ZNF675: variants seen among roughly 807,000 people sequenced by gnomAD.
The protein encoded by ZNF675 is zinc finger protein 675.
In ZNF675, 36 loss-of-function variants were observed where a neutral mutation model predicts 56.1. The observed-to-expected ratio is 0.64, with a 90% CI of 0.49 to 0.85. The LOEUF (loss-of-function observed/expected upper bound fraction) is 0.85. ZNF675 is among the 40% of genes least tolerant of loss of function. The pLI is 0.00. For missense variants in ZNF675, 663 were observed against 654.2 expected, an observed-to-expected ratio of 1.01 and a Z score of -0.15; for synonymous variants, 200 against 218.9, an observed-to-expected ratio of 0.91 and a Z score of 0.76.
intron 2 of ZNF675, 115 bp from the exon 3 acceptor site, chr19:23,662,324 A>T: frequency 3.0e-6 from 2 of 666,490 alleles, no homozygotes; most frequent in Non-Finnish European, 5.0e-6. Flanking sequence ...TAATCCCAAA[A>T]TACTGACTTA....
At position 23,678,598 on chromosome 19, in the gene ZNF675, A is replaced by G. The variant is rs944082193; in HGVS notation, c.3+8433T>C. Among the ~76,000 whole-genome samples the G allele has an allele frequency of 3.1e-4, 47 of 151,294 alleles. 2 individuals are homozygous for G. The highest frequency in any genetic ancestry group is 1.1e-3 in the African/African-American group (47 of 41,032). On this transcript the variant is annotated intron_variant, in intron 1 of 3. Transcript: ENST00000359788. The stretch of plus-strand genomic sequence containing the variant: ...AAAAAAAAAAATTAAATACATATGG[A>G]ACCAAAAAAGAGCTCTAATAGCCAA...
chr19:23,682,494 G>A (rs986115209), intron 1 of ZNF675, among the ~76,000 whole-genome samples: 5 of 151,710 alleles, frequency 3.3e-5, no homozygotes, highest in Admixed American at 2.0e-4. Flanking sequence ...GACCTTCACA[G>A]CACTTTTTCA....
In ZNF675 at chr19:23,653,222, A is replaced by G. The variant is rs561249526; in HGVS notation, c.*4T>C. 2.4e-5 allele frequency: 38 copies of G among 1,559,444 alleles called. 2 individuals carry two copies. The South Asian group carries it at 4.5e-4, about 18-fold the overall frequency. ...AAAAATTTGAGGTGTTGTCAAAATCATTATCACACATTCCAGTTCTGTAGT... is the reference window on the plus strand; with the variant it reads ...AAAAATTTGAGGTGTTGTCAAAATCGTTATCACACATTCCAGTTCTGTAGT... On this transcript the variant is annotated 3_prime_UTR_variant, in exon 4 of 4. Transcript: ENST00000359788.
chr19:23,659,419 G>A (rs1487923906), intron 3 of ZNF675, among the ~76,000 whole-genome samples: 1 of 152,014 alleles, frequency 6.6e-6, no homozygotes, highest in Non-Finnish European at 1.5e-5. Flanking sequence ...ATGCCTTTAT[G>A]AGATTGCCAG....
intron 1 of ZNF675, among the ~76,000 whole-genome samples, chr19:23,669,535 G>C (rs748515576): frequency 6.6e-6 from 1 of 152,078 alleles, no homozygotes; most frequent in African/African-American, 2.4e-5. Context: ...CTGAAGTTGA[G>C]AGAGTTAAAG....
chr19:23,664,796 CA>C (rs200408281), intron 1 of ZNF675, among the ~76,000 whole-genome samples: 1,704 of 152,106 alleles, frequency 0.011, 35 homozygotes, highest in African/African-American at 0.038. Flanking sequence ...ACTAAAAATA[CA>C]CAAATTAGCC....
chr19:23,683,485 G>C (rs1042448811), intron 1 of ZNF675, among the ~76,000 whole-genome samples: 1 of 152,114 alleles, frequency 6.6e-6, no homozygotes, highest in African/African-American at 2.4e-5. Context: ...GCAGTGGTGC[G>C]ATCTCGGCTC....
At chr19:23,671,588 A>C (rs1233832865) in intron 1 of ZNF675, among the ~76,000 whole-genome samples, 1 of 128,646 alleles carries the variant, frequency 7.8e-6, no homozygotes, top group African/African-American at 2.9e-5. Context: ...GGGTTGGGTC[A>C]GAAAACTCTA....
chr19:23,667,921 G>T (rs1045271367), intron 1 of ZNF675, among the ~76,000 whole-genome samples: 1 of 149,238 alleles, frequency 6.7e-6, no homozygotes, highest in African/African-American at 2.5e-5. Flanking sequence ...GTGCCGACTG[G>T]TGTATTTACA....
At position 23,653,530 on chromosome 19, in the gene ZNF675, G is replaced by A. The variant is rs774466107; in HGVS notation, c.1403C>T (p.Thr468Ile). ...TCCAGAATGAATTTTCTTATGTTCA[G>A]TAAGTTTTGAGGATTGGATAAAAGC... ...GKAFIQSSKL[T>I]EHKKIHSGEI... Residue 468 changes from threonine (T) to isoleucine (I), a missense_variant, in exon 4 of 4, where the codon ACT becomes ATT. By Grantham distance (89) the Thr-to-Ile change is moderately conservative. Coordinates refer to ENST00000359788, the MANE Select transcript of ZNF675 (RefSeq NM_138330.3). The A allele has an allele frequency of 6.2e-7, 1 of 1,613,276 alleles. No individual in the cohort carries two copies.
intron 1 of ZNF675, among the ~76,000 whole-genome samples, chr19:23,667,654 G>A (rs1323130487): frequency 6.6e-6 from 1 of 151,540 alleles, no homozygotes. Context: ...GGCCCCACCA[G>A]AGCAGCTAGA....
At chr19:23,676,143 A>G (rs1202355439) in intron 1 of ZNF675, among the ~76,000 whole-genome samples, 1 of 151,650 alleles carries the variant, frequency 6.6e-6, no homozygotes, top group Non-Finnish European at 1.5e-5. Flanking sequence ...TCCTCCCTAG[A>G]CTGAACAAAA....
In ZNF675 at chr19:23,681,865, T is replaced by C. The variant is rs528918212; in HGVS notation, c.3+5166A>G. Among the ~76,000 whole-genome samples, 8 of 151,640 alleles carry C rather than the reference T, an allele frequency of 5.3e-5. 1 individual carries two copies. The highest frequency in any genetic ancestry group is 1.9e-4 in the African/African-American group (8 of 41,026). ...AAGATACAACTCAGAAAAAGTCAAA[T>C]GGAAGAAATACATAGGACCAGGAAA... is the stretch of plus-strand genomic sequence containing the variant. On this transcript the variant is annotated intron_variant, in intron 1 of 3. Transcript: ENST00000359788.
chr19:23,662,668 C>A (rs1185699198), intron 2 of ZNF675, among the ~76,000 whole-genome samples: 1 of 152,106 alleles, frequency 6.6e-6, no homozygotes, highest in African/African-American at 2.4e-5. Context: ...AGAAATGAAA[C>A]CTTTACGGTA....
chr19:23,674,742 G>C (rs1968274215), intron 1 of ZNF675, among the ~76,000 whole-genome samples: 1 of 151,506 alleles, frequency 6.6e-6, no homozygotes, highest in African/African-American at 2.4e-5. Context: ...GCCAAGGTGG[G>C]TGGATCACTT....
At chr19:23,661,406 A>AG (rs1276607299) in intron 3 of ZNF675, among the ~76,000 whole-genome samples, 58 of 31,990 alleles carry the variant, frequency 1.8e-3, no homozygotes, top group East Asian at 6.2e-3. Flanking sequence ...GAAAAAAAAA[A>AG]AGGGCGGGGA....
intron 3 of ZNF675, among the ~76,000 whole-genome samples, chr19:23,660,815 T>C (rs1968066270): frequency 6.6e-6 from 1 of 152,166 alleles, no homozygotes; most frequent in Non-Finnish European, 1.5e-5. Context: ...CATTTGTTTT[T>C]CACAGTAATA....
intron 1 of ZNF675, among the ~76,000 whole-genome samples, chr19:23,684,420 G>T (rs185952818): frequency 7.9e-5 from 12 of 152,030 alleles, no homozygotes; most frequent in African/African-American, 2.9e-4. Flanking sequence ...CAAGAGGGGC[G>T]GATCACCTGA....
intron 3 of ZNF675, among the ~76,000 whole-genome samples, chr19:23,658,856 T>TCTATAGATATCTATAG (rs1968029287): frequency 2.5e-5 from 1 of 39,298 alleles, no homozygotes; most frequent in African/African-American, 7.2e-5. Context: ...TCTATATAGA[T>TCTATAGATATCTATAG]ATAGAAATAG....
Sources: allele counts gnomAD v4.1 joint callset (sites outside exome capture counted in the v4.1 genomes callset), GRCh38; gene constraint gnomAD v4.1.1; transcripts MANE v1.5; gene names NCBI Gene and HGNC (gene_info 2026-07-23, HGNC 2026-07-21).